The following CDYL2 variants were observed in gnomAD, a reference collection of about 807,000 sequenced individuals.
CDYL2 encodes the protein chromodomain Y like 2.
A neutral mutation model predicts 49.4 loss-of-function variants in CDYL2; 23 were observed. The observed-to-expected ratio is 0.47, with a 90% CI of 0.34 to 0.66. The LOEUF is 0.66. Among genes scored for constraint, CDYL2 ranks in the 30% least tolerant of loss-of-function variants. The pLI is 0.01. For missense variants in CDYL2, 678 were observed against 656.4 expected (o/e 1.03, Z -0.36); for synonymous variants, 360 against 268.8 (o/e 1.34, Z -3.32).
chr16:80,607,959 A>T, intron 6 of CDYL2, 133 bp downstream of exon 6: 1 of 1,052,920 alleles, frequency 9.5e-7, no homozygotes, highest in Non-Finnish European at 1.3e-6. Context: ...GGCATTTGTT[A>T]AATTGCAAAG....
In CDYL2 at chr16:80,620,948, A is replaced by G. The variant is rs1184777742; in HGVS notation, c.835-13T>C. The G allele has an allele frequency of 2.5e-6, 4 of 1,582,542 alleles. No homozygotes were observed. In the Admixed American group the frequency reaches 7.0e-5, roughly 28 times the overall value. ...CTTCTTTCATGATCTGCCGGCAGAG[A>G]TGAATTTGCAGGGATGTTAAGTGTC... On this transcript the variant is annotated splice_polypyrimidine_tract_variant and intron_variant, in intron 3 of 6. Transcript: ENST00000570137.
chr16:80,608,721 G>A (rs1906455949), intron 5 of CDYL2, among the ~76,000 whole-genome samples: 1 of 152,126 alleles, frequency 6.6e-6, no homozygotes, highest in Non-Finnish European at 1.5e-5. Flanking sequence ...ACATCAGTGA[G>A]CCCAAGGACC....
At chr16:80,641,104 G>A (rs898335841) in intron 2 of CDYL2, among the ~76,000 whole-genome samples, 5 of 152,074 alleles carry the variant, frequency 3.3e-5, no homozygotes, top group African/African-American at 1.2e-4. Flanking sequence ...GTACAAGAAG[G>A]TTACAGAAGA....
intron 2 of CDYL2, among the ~76,000 whole-genome samples, chr16:80,682,676 C>T (rs1200822615): frequency 3.3e-5 from 5 of 152,276 alleles, no homozygotes; most frequent in East Asian, 1.9e-4. Flanking sequence ...CAGGGAACCC[C>T]GCCAGAGCCT....
intron 1 of CDYL2, among the ~76,000 whole-genome samples, chr16:80,687,368 G>T (rs1433446323): frequency 6.6e-6 from 1 of 152,176 alleles, no homozygotes; most frequent in Non-Finnish European, 1.5e-5. Flanking sequence ...ATGGATGAGT[G>T]CGTGGGTGGG....
At chr16:80,774,497 C>T (rs1907015508) in intron 1 of CDYL2, among the ~76,000 whole-genome samples, 1 of 151,998 alleles carries the variant, frequency 6.6e-6, no homozygotes, top group Admixed American at 6.6e-5. Context: ...ACTGTGACCA[C>T]TGTTAATAAC....
intron 4 of CDYL2, among the ~76,000 whole-genome samples, chr16:80,613,584 G>T (rs150811034): frequency 2.5e-4 from 38 of 152,290 alleles, no homozygotes; most frequent in African/African-American, 9.1e-4. Context: ...CTGGCTACAA[G>T]ACTGGGCAAT....
chr16:80,748,568 C>T (rs1906020230), intron 1 of CDYL2, among the ~76,000 whole-genome samples: 1 of 132,842 alleles, frequency 7.5e-6, no homozygotes. Context: ...GAGCTATTCA[C>T]TCAACACTCA....
At position 80,604,553 on chromosome 16, in the gene CDYL2, G is replaced by A; in HGVS notation, c.1363-7C>T. 6.2e-7 allele frequency: 1 copy of A among 1,614,172 alleles called. No individual in the cohort carries two copies. Among genetic ancestry groups the A allele is most frequent in the Non-Finnish European group, 8.5e-7 (1 of 1,180,016 alleles). On this transcript the variant is annotated splice_region_variant and splice_polypyrimidine_tract_variant and intron_variant, in intron 6 of 6. Transcript: ENST00000570137. Reference sequence around the variant, plus strand: ...ATTTGGACTCCTCTAACACCTAGAGGGAAATAGACAGGCCTGATTAGCCGG... The same window carrying A: ...ATTTGGACTCCTCTAACACCTAGAGAGAAATAGACAGGCCTGATTAGCCGG...
chr16:80,619,513 A>T (rs1906980505), intron 4 of CDYL2, among the ~76,000 whole-genome samples: 1 of 152,202 alleles, frequency 6.6e-6, no homozygotes, highest in Non-Finnish European at 1.5e-5. Flanking sequence ...AAAAATGGGC[A>T]CTTGTTTCTC....
At chr16:80,644,010 G>A (rs1251329940) in intron 2 of CDYL2, among the ~76,000 whole-genome samples, 1 of 152,190 alleles carries the variant, frequency 6.6e-6, no homozygotes, top group East Asian at 1.9e-4. Flanking sequence ...ACATTGTCAG[G>A]CTACAAATTT....
chr16:80,632,746 C>T (rs1214865717), intron 3 of CDYL2: 5 of 404,820 alleles, frequency 1.2e-5, no homozygotes, highest in African/African-American at 8.0e-5. Flanking sequence ...GGGTCTGCCC[C>T]TTGGCTAAGT....
chr16:80,640,967 C>T (rs1908059402), intron 2 of CDYL2, among the ~76,000 whole-genome samples: 3 of 151,954 alleles, frequency 2.0e-5, no homozygotes, highest in Non-Finnish European at 4.4e-5. Context: ...AAAATAGCCT[C>T]AAAAGGGCAA....
intron 1 of CDYL2, among the ~76,000 whole-genome samples, chr16:80,788,876 C>G (rs1241292980): frequency 6.6e-6 from 1 of 152,072 alleles, no homozygotes; most frequent in Non-Finnish European, 1.5e-5. Flanking sequence ...CCAGAATCTA[C>G]AAAGAACTCA....
intron 1 of CDYL2, among the ~76,000 whole-genome samples, chr16:80,786,207 C>A (rs1907430683): frequency 6.6e-6 from 1 of 152,190 alleles, no homozygotes; most frequent in African/African-American, 2.4e-5. Flanking sequence ...TTTTTGCAAT[C>A]TATCCATCTG....
At chr16:80,725,957 C>T (rs947266425) in intron 1 of CDYL2, among the ~76,000 whole-genome samples, 8 of 152,208 alleles carry the variant, frequency 5.3e-5, no homozygotes, top group Non-Finnish European at 8.8e-5. Flanking sequence ...CTTAGTCACT[C>T]ACCTGCTCTT....
At chr16:80,673,881 T>C (rs1300701016) in intron 2 of CDYL2, among the ~76,000 whole-genome samples, 1 of 152,108 alleles carries the variant, frequency 6.6e-6, no homozygotes, top group East Asian at 1.9e-4. Flanking sequence ...GCAGGGGGCT[T>C]GGAGTCAAGA....
chr16:80,623,713 C>G (rs557657592), intron 3 of CDYL2, among the ~76,000 whole-genome samples: 26 of 152,284 alleles, frequency 1.7e-4, no homozygotes, highest in African/African-American at 6.0e-4. Flanking sequence ...ATGACAAAAT[C>G]AAAGTACAGT....
chr16:80,636,483 T>C (rs1907830081), intron 2 of CDYL2, among the ~76,000 whole-genome samples: 1 of 152,058 alleles, frequency 6.6e-6, no homozygotes, highest in Non-Finnish European at 1.5e-5. Flanking sequence ...ATTACAGAAA[T>C]GCAAATCAAA....
Sources: allele counts gnomAD v4.1 joint callset (sites outside exome capture counted in the v4.1 genomes callset), GRCh38; gene constraint gnomAD v4.1.1; transcripts MANE v1.5; gene names NCBI Gene and HGNC (gene_info 2026-07-23, HGNC 2026-07-21).